Variants in KLHL15 observed in about 807,000 individuals in gnomAD.
KLHL15 encodes kelch-like protein 15.
In KLHL15, 1 loss-of-function variant was observed where a neutral mutation model predicts 29.3. That is an observed-to-expected ratio of 0.03 (90% CI 0.01 to 0.16). The LOEUF is 0.16. KLHL15 is among the 10% of genes least tolerant of loss of function. The probability of loss-of-function intolerance (pLI) is 1.00; values close to 1 mark genes in which losing one functional copy is unlikely to be tolerated. For synonymous variants in KLHL15, 212 were observed against 184.5 expected (o/e 1.15, Z -1.21); for missense variants, 215 against 478.5 (o/e 0.45, Z 5.14).
chrX:24,017,141 G>A (rs761508009), intron 2 of KLHL15, among the ~76,000 whole-genome samples: 2 of 107,049 alleles, frequency 1.9e-5, no homozygotes, highest in Admixed American at 1.0e-4. Context: ...GAGCCCAGGA[G>A]GCAGAGGTTG....
chrX:24,015,762 G>A (rs1289048562), intron 2 of KLHL15, among the ~76,000 whole-genome samples: 1 of 112,405 alleles, frequency 8.9e-6, no homozygotes, highest in African/African-American at 3.2e-5. Flanking sequence ...AGTCTGGGAG[G>A]CCGAGGTGGG....
intron 2 of KLHL15, among the ~76,000 whole-genome samples, chrX:24,008,323 C>T (rs895646008): frequency 1.8e-5 from 2 of 111,818 alleles, no homozygotes; most frequent in African/African-American, 6.5e-5. Context: ...TCACTACAAC[C>T]TCCGCCTCCC....
At chrX:23,992,213 T>A (rs901160185) in intron 3 of KLHL15, among the ~76,000 whole-genome samples, 10 of 112,162 alleles carry the variant, frequency 8.9e-5, no homozygotes, top group African/African-American at 2.9e-4. Context: ...TTTAAGCCCA[T>A]ATCCTCAACT....
At chrX:24,003,783 T>A (rs966257239) in intron 3 of KLHL15, among the ~76,000 whole-genome samples, 1 of 105,945 alleles carries the variant, frequency 9.4e-6, no homozygotes, top group Non-Finnish European at 1.9e-5. Flanking sequence ...ACAGAATACT[T>A]AGTACAAAAA....
chrX:24,000,245 G>A (rs1308000216), intron 3 of KLHL15, among the ~76,000 whole-genome samples: 1 of 111,421 alleles, frequency 9.0e-6, no homozygotes, highest in Non-Finnish European at 1.9e-5. Context: ...CAGCACTTTG[G>A]GAGGCTGAGG....
At chrX:24,015,345 C>T (rs1015466773) in intron 2 of KLHL15, among the ~76,000 whole-genome samples, 1 of 112,315 alleles carries the variant, frequency 8.9e-6, no homozygotes, top group African/African-American at 3.2e-5. Flanking sequence ...ACTATAGCTA[C>T]TTTTAAAGTC....
At chrX:23,998,586 G>A (rs1449095746) in intron 3 of KLHL15, among the ~76,000 whole-genome samples, 1 of 111,701 alleles carries the variant, frequency 9.0e-6, no homozygotes, top group Non-Finnish European at 1.9e-5. Context: ...TATTTAGATA[G>A]TACAACTAAG....
At chrX:24,014,169 G>C (rs960378793) in intron 2 of KLHL15, among the ~76,000 whole-genome samples, 5 of 110,802 alleles carry the variant, frequency 4.5e-5, no homozygotes, top group African/African-American at 1.6e-4. Context: ...GCTGAGGCAG[G>C]AATTTCAGGC....
At chrX:23,997,841 G>A (rs1349221337) in intron 3 of KLHL15, among the ~76,000 whole-genome samples, 1 of 108,439 alleles carries the variant, frequency 9.2e-6, no homozygotes, top group Non-Finnish European at 1.9e-5. Context: ...CACTTTGGGA[G>A]GCTGAGGCGG....
At chrX:24,007,320 C>T (rs747819253) in intron 2 of KLHL15, among the ~76,000 whole-genome samples, 8 of 107,407 alleles carry the variant, frequency 7.4e-5, no homozygotes, top group African/African-American at 2.7e-4. Context: ...CGATGAAACT[C>T]CAACTCTACT....
chrX:24,021,411 T>C, intron 2 of KLHL15, among the ~76,000 whole-genome samples: 1 of 111,072 alleles, frequency 9.0e-6, no homozygotes, highest in East Asian at 2.8e-4. Flanking sequence ...CAAAACCCCA[T>C]CTGCCCCATC....
intron 2 of KLHL15, among the ~76,000 whole-genome samples, chrX:24,024,256 T>A (rs1487200767): frequency 8.9e-6 from 1 of 112,228 alleles, no homozygotes; most frequent in African/African-American, 3.2e-5. Flanking sequence ...TCCGTACTTA[T>A]TTGCTTATAT....
At position 24,006,347 on chromosome X, in the gene KLHL15, A is replaced by G; in HGVS notation, c.347T>C (p.Val116Ala). ...GAGAAAAGAGCAGCAGAACTTCACC[A>G]CTTCTATAAGTTGAACATACATGGC... ...QAAMYVQLIE[V>A]VKFCCSFLLA... The change falls in exon 3 of 4, where the codon GTG (valine) becomes GCG (alanine). Residue 116 changes from valine to alanine, a missense_variant. Transcript: ENST00000328046. The G allele has an allele frequency of 8.3e-7, 1 of 1,211,094 alleles. No individual in the cohort carries two copies. The highest frequency in any genetic ancestry group is 1.7e-5 in the African/African-American group (1 of 57,793).
chrX:24,022,721 G>A (rs1341816395), intron 2 of KLHL15, among the ~76,000 whole-genome samples: 1 of 108,041 alleles, frequency 9.3e-6, no homozygotes, highest in African/African-American at 3.4e-5. Flanking sequence ...ACTGTTTCGC[G>A]GTTTTTTTTT....
chrX:24,004,672 C>T (rs1340573146), intron 3 of KLHL15, among the ~76,000 whole-genome samples: 1 of 109,434 alleles, frequency 9.1e-6, no homozygotes, highest in Non-Finnish European at 1.9e-5. Flanking sequence ...CGCCTGTAAT[C>T]CCAGCTACTC....
chrX:24,020,702 T>C (rs1481461531), intron 2 of KLHL15, among the ~76,000 whole-genome samples: 2 of 111,962 alleles, frequency 1.8e-5, no homozygotes, highest in African/African-American at 6.5e-5. Flanking sequence ...AGTGATGTCA[T>C]GGAAAACAGC....
intron 1 of KLHL15, among the ~76,000 whole-genome samples, chrX:24,025,560 C>T (rs1384122674): frequency 9.2e-6 from 1 of 108,281 alleles, no homozygotes; most frequent in African/African-American, 3.3e-5. Flanking sequence ...GGGAGCTGGC[C>T]CGGGAGGCCC....
chrX:24,024,994 G>C lies in KLHL15; in HGVS notation c.-145C>G. The C allele has an allele frequency of 3.4e-6, 1 of 298,000 alleles. No individual in the cohort carries two copies. The highest frequency in any genetic ancestry group is 6.0e-5 in the Admixed American group (1 of 16,639). 24.6% of individuals were successfully genotyped at this position (298,000 alleles called of 1,213,427 possible). Reference sequence around the variant, plus strand: ...CGGACGTCTACGAGCAGCCGCTCCCGGCACGAGCCGGGTCGCTCCGGCGGG... The same window carrying C: ...CGGACGTCTACGAGCAGCCGCTCCCCGCACGAGCCGGGTCGCTCCGGCGGG... On this transcript the variant is annotated 5_prime_UTR_variant, in exon 2 of 4. Coordinates refer to ENST00000328046, the MANE Select transcript of KLHL15 (RefSeq NM_030624.3).
At chrX:24,022,271 GT>G (rs752266573) in intron 2 of KLHL15, among the ~76,000 whole-genome samples, 2 of 105,183 alleles carry the variant, frequency 1.9e-5, no homozygotes, top group East Asian at 6.0e-4. Flanking sequence ...GGAGGCGGAG[GT>G]TGCAGTGAGC....
Sources: allele counts gnomAD v4.1 joint callset (sites outside exome capture counted in the v4.1 genomes callset), GRCh38; gene constraint gnomAD v4.1.1; transcripts MANE v1.5; gene names NCBI Gene and HGNC (gene_info 2026-07-23, HGNC 2026-07-21).